Variants in SRPX observed in about 807,000 individuals in gnomAD.
SRPX encodes the protein sushi repeat containing protein X-linked, also known as sushi repeat-containing protein SRPX.
In SRPX, 24 loss-of-function variants were observed where a neutral mutation model predicts 38.1. The ratio of observed to expected loss-of-function variants is 0.63; its 90% CI spans 0.46 to 0.89. SRPX has a LOEUF of 0.89. Ranked by LOEUF, SRPX falls within the 40% of genes least tolerant of loss-of-function variation. The pLI, the probability that SRPX is intolerant of heterozygous loss-of-function variation, is 0.00. For missense variants in SRPX, 416 were observed against 377.8 expected (o/e 1.10, Z -0.84); for synonymous variants, 184 against 153.8 (o/e 1.20, Z -1.45).
At chrX:38,164,513 C>T (rs1436028284) in intron 5 of SRPX, among the ~76,000 whole-genome samples, 1 of 112,437 alleles carries the variant, frequency 8.9e-6, no homozygotes, top group Non-Finnish European at 1.9e-5. Context: ...CTCCTTTTTC[C>T]TTCAGTAAGG....
chrX:38,157,246 C>T (rs1938151226), intron 7 of SRPX, among the ~76,000 whole-genome samples: 2 of 111,672 alleles, frequency 1.8e-5, no homozygotes, highest in South Asian at 7.6e-4. Flanking sequence ...TCACCATAAA[C>T]TTAGTGACTT....
chrX:38,160,203 G>C lies in SRPX; in HGVS notation c.776-7C>G. 2 of 1,209,532 alleles carry C rather than the reference G, an allele frequency of 1.7e-6. No individual in the cohort carries two copies. The highest frequency in any genetic ancestry group is 2.2e-6 in the Non-Finnish European group (2 of 894,012). On this transcript the variant is annotated splice_region_variant and splice_polypyrimidine_tract_variant and intron_variant, in intron 6 of 9. Transcript: ENST00000378533. The stretch of plus-strand genomic sequence containing the variant: ...AGTTTGCCACAGCGTTTGACTGTAG[G>C]GACACAAGTCCAGAGGGGTCTCAGT...
chrX:38,156,444 GTGA>G (rs1938133223), intron 8 of SRPX, among the ~76,000 whole-genome samples: 2 of 111,787 alleles, frequency 1.8e-5, no homozygotes, highest in Non-Finnish European at 3.8e-5. Context: ...AAGCTCCCAG[GTGA>G]TGCTGATGCT....
intron 1 of SRPX, among the ~76,000 whole-genome samples, chrX:38,182,559 T>G (rs901912621): frequency 1.8e-5 from 2 of 111,867 alleles, no homozygotes; most frequent in Non-Finnish European, 3.8e-5. Flanking sequence ...GTCAAAAAAT[T>G]AATTCCCCTT....
intron 2 of SRPX, among the ~76,000 whole-genome samples, chrX:38,174,711 C>T (rs1034012999): frequency 4.5e-5 from 5 of 111,817 alleles, no homozygotes; most frequent in Non-Finnish European, 9.4e-5. Flanking sequence ...AATGCTTGTT[C>T]TTTTTAGTAT....
At chrX:38,179,980 C>T (rs1487067364) in intron 1 of SRPX, among the ~76,000 whole-genome samples, 1 of 111,117 alleles carries the variant, frequency 9.0e-6, no homozygotes, top group Non-Finnish European at 1.9e-5. Flanking sequence ...ACCAGGAAAC[C>T]TACCTAACAA....
rs1055497165 is a variant in SRPX, at chrX:38,175,221, C to T, written c.158-870G>A. 2.7e-5 allele frequency among the ~76,000 whole-genome samples: 3 copies of T among 111,977 alleles called. 1 individual carries two copies. On this transcript the variant is annotated intron_variant, in intron 2 of 9. Coordinates refer to ENST00000378533, the MANE Select transcript of SRPX (RefSeq NM_006307.5). ...CCATTGTCCCACAATTGATGGGGAA[C>T]AGTGAGGAGTTCCCTAAAGCCTGCC...
chrX:38,160,332 G>A, intron 6 of SRPX, 136 bp from the exon 7 acceptor site: 3 of 601,284 alleles, frequency 5.0e-6, no homozygotes, highest in Non-Finnish European at 7.7e-6. Context: ...GAGGGAGGAG[G>A]GATGACTATT....
rs377395808 is a variant in SRPX, at chrX:38,201,384, T to TA, written c.97+19311dup. 5.4e-3 allele frequency among the ~76,000 whole-genome samples: 566 copies of TA among 104,401 alleles called. 3 individuals carry two copies. The highest frequency in any genetic ancestry group is 0.018 in the African/African-American group (521 of 28,904). The allele number at this position is 104,401 out of a possible 115,157, so 90.7% of individuals were successfully genotyped here. ...TACCATGAAAAGGATAATGTAATGT[T>TA]AAAAAAAAAAAGGTCACAATATTCC... On this transcript the variant is annotated intron_variant, in intron 1 of 9. Transcript: ENST00000378533.
At chrX:38,175,129 T>C (rs1391314745) in intron 2 of SRPX, among the ~76,000 whole-genome samples, 1 of 112,164 alleles carries the variant, frequency 8.9e-6, no homozygotes, top group East Asian at 2.8e-4. Flanking sequence ...ATGTTCTCTT[T>C]GAGATCCATA....
intron 1 of SRPX, among the ~76,000 whole-genome samples, chrX:38,189,326 C>T (rs986371566): frequency 4.5e-5 from 5 of 112,021 alleles, no homozygotes; most frequent in Non-Finnish European, 9.4e-5. Flanking sequence ...TCCTTCTACA[C>T]CTGGCAATAA....
intron 2 of SRPX, among the ~76,000 whole-genome samples, chrX:38,175,180 T>C (rs1938546467): frequency 8.9e-6 from 1 of 112,155 alleles, no homozygotes. Context: ...GATAAGTTCC[T>C]ACAGCAGCCA....
intron 1 of SRPX, among the ~76,000 whole-genome samples, chrX:38,206,371 C>T (rs1939212552): frequency 2.7e-5 from 3 of 112,227 alleles, no homozygotes; most frequent in South Asian, 7.6e-4. Context: ...GCCCAAACTG[C>T]GGGATCATGA....
chrX:38,180,141 T>TC (rs1938640376), intron 1 of SRPX, among the ~76,000 whole-genome samples: 1 of 110,967 alleles, frequency 9.0e-6, no homozygotes, highest in Non-Finnish European at 1.9e-5. Flanking sequence ...GCAAGCTTTC[T>TC]CCCCCCGCCC....
Position 38,220,781 on chromosome X carries a change from G to A in SRPX, c.12C>T (p.Pro4=). 5 of 1,115,930 alleles carry A rather than the reference G, an allele frequency of 4.5e-6. No homozygotes were observed. The highest frequency in any genetic ancestry group is 4.7e-6 in the Non-Finnish European group (4 of 855,900). 92.0% of individuals were successfully genotyped at this position (1,115,930 alleles called of 1,213,427 possible). A position where few individuals can be genotyped will look rare whatever the true frequency, so the allele number is the denominator to read the frequency against. The change falls in exon 1 of 10, where the codon CCC becomes CCT. Residue 4 remains proline, a synonymous_variant. Coordinates refer to ENST00000378533, the MANE Select transcript of SRPX (RefSeq NM_006307.5). ...GCAGCAGCAGCGCGGGCCGATGTGC[G>A]GGGCTCCCCATGGCGAGCGGGCGCT... is the stretch of plus-strand genomic sequence containing the variant. MGS[P]AHRPALLLLL...
chrX:38,177,800 G>A (rs1938592366), intron 2 of SRPX, among the ~76,000 whole-genome samples: 1 of 111,829 alleles, frequency 8.9e-6, no homozygotes. Context: ...AGTTTCATTT[G>A]AGCAACATAC....
intron 1 of SRPX, among the ~76,000 whole-genome samples, chrX:38,214,722 G>A (rs762597601): frequency 1.8e-5 from 2 of 111,902 alleles, no homozygotes; most frequent in African/African-American, 6.5e-5. Context: ...TTGCCACTTT[G>A]TGGGCAGAAT....
intron 1 of SRPX, among the ~76,000 whole-genome samples, chrX:38,179,076 A>G (rs1010842383): frequency 9.3e-6 from 1 of 107,798 alleles, no homozygotes. Flanking sequence ...CCTCCTGAAT[A>G]GCTGGAATTA....
In SRPX at chrX:38,149,911, A is replaced by G. The variant is rs1354699645; in HGVS notation, c.1212-17T>C. 8.4e-7 allele frequency: 1 copy of G among 1,187,022 alleles called. No individual in the cohort carries two copies. Among genetic ancestry groups the G allele is most frequent in the African/African-American group, 1.7e-5 (1 of 57,193 alleles). On this transcript the variant is annotated splice_polypyrimidine_tract_variant and intron_variant, in intron 9 of 9. Coordinates refer to ENST00000378533, the MANE Select transcript of SRPX (RefSeq NM_006307.5). ...AGCAACAGCCTGTGGCAGACAAAGA[A>G]AAGAGGAGACTAAGTCAAACCATGA...
Sources: gnomAD v4.1 joint callset for allele counts (sites outside exome capture counted in the v4.1 genomes callset) on GRCh38, gnomAD v4.1.1 for gene constraint, MANE v1.5 for transcripts, NCBI Gene and HGNC (gene_info 2026-07-23, HGNC 2026-07-21) for gene names.